DCC: variants seen among roughly 807,000 people sequenced by gnomAD.
DCC encodes the protein DCC netrin 1 receptor, also known as netrin receptor DCC.
A neutral mutation model predicts 172.5 loss-of-function variants in DCC; 58 were observed. That is an observed-to-expected ratio of 0.34 (90% CI 0.27 to 0.42). DCC has a LOEUF of 0.42. Ranked by LOEUF, DCC falls within the 10% of genes least tolerant of loss-of-function variation. DCC has a pLI of 1.00. For synonymous variants in DCC, 709 were observed against 644.5 expected (o/e 1.10, Z -1.52); for missense variants, 1,740 against 1,791.0 (o/e 0.97, Z 0.51).
intron 5 of DCC, among the ~76,000 whole-genome samples, chr18:52,949,382 C>A (rs2040599366): frequency 6.6e-6 from 1 of 152,184 alleles, no homozygotes; most frequent in Non-Finnish European, 1.5e-5. Context: ...GGCTCTTCCT[C>A]CTTCCCCTCC....
At chr18:53,417,909 T>G (rs1034570162) in intron 21 of DCC, among the ~76,000 whole-genome samples, 1 of 152,176 alleles carries the variant, frequency 6.6e-6, no homozygotes. Flanking sequence ...GAAAGGCAAA[T>G]GAGTAAATTA....
chr18:52,819,317 ATAAAT>A (rs552580613), intron 2 of DCC, among the ~76,000 whole-genome samples: 4 of 152,338 alleles, frequency 2.6e-5, no homozygotes, highest in East Asian at 1.9e-4. Context: ...AGGGAAAAAA[ATAAAT>A]TAATAATTTT....
rs555562871 is a variant in DCC, at chr18:53,422,134, A to G, written c.3163+5978A>G. On this transcript the variant is annotated intron_variant, in intron 21 of 28. Coordinates refer to ENST00000442544, the MANE Select transcript of DCC (RefSeq NM_005215.4). The stretch of plus-strand genomic sequence containing the variant: ...GAACTGTCTTGTGAGACTAAACCCA[A>G]AACTTCAAGGACCTGGTCATGATTC... Among the ~76,000 whole-genome samples the G allele has an allele frequency of 2.5e-4, 38 of 152,248 alleles. 1 individual carries two copies. In the South Asian group the frequency reaches 7.9e-3, roughly 32 times the overall value.
Position 52,841,723 on chromosome 18 carries a change from T to C in DCC, c.413-64321T>C, listed in dbSNP as rs116445061. 3.5e-3 allele frequency among the ~76,000 whole-genome samples: 534 copies of C among 152,288 alleles called. 6 individuals are homozygous for C. The highest frequency in any genetic ancestry group is 0.012 in the African/African-American group (503 of 41,558). Reference sequence around the variant, plus strand: ...TGGCTGGAGAGTCATCCTGTAGTTGTTGGGAGTGCTGGCTGGCAAAAGCTT... The same window carrying C: ...TGGCTGGAGAGTCATCCTGTAGTTGCTGGGAGTGCTGGCTGGCAAAAGCTT... On this transcript the variant is annotated intron_variant, in intron 2 of 28. Transcript: ENST00000442544.
chr18:53,185,384 T>G (rs977803145), intron 9 of DCC, among the ~76,000 whole-genome samples: 2 of 152,158 alleles, frequency 1.3e-5, no homozygotes, highest in African/African-American at 4.8e-5. Context: ...TTAAAAATAT[T>G]TATTTTGTGC....
rs372298886 is a variant in DCC at position 53,459,226 on chromosome 18, C to T, written c.3393-6C>T. ...CTCACATTTGCCTTCTAACTTTGTT[C>T]CATAGGAAACGGGCCACCCACAGTG... On this transcript the variant is annotated splice_region_variant and splice_polypyrimidine_tract_variant and intron_variant, in intron 23 of 28. Coordinates refer to ENST00000442544, the MANE Select transcript of DCC (RefSeq NM_005215.4). The T allele has an allele frequency of 3.2e-5, 52 of 1,611,710 alleles. No individual in the cohort carries two copies. The highest frequency in any genetic ancestry group is 4.2e-5 in the Non-Finnish European group (50 of 1,177,932).
At chr18:52,783,437 A>G (rs1170000856) in intron 2 of DCC, among the ~76,000 whole-genome samples, 1 of 144,232 alleles carries the variant, frequency 6.9e-6, no homozygotes, top group Non-Finnish European at 1.5e-5. Flanking sequence ...TGGCATCCAC[A>G]GGTGTGTAAT....
intron 7 of DCC, among the ~76,000 whole-genome samples, chr18:53,095,926 C>T (rs1423331302): frequency 6.6e-6 from 1 of 150,776 alleles, no homozygotes; most frequent in Non-Finnish European, 1.5e-5. Context: ...CATGAATACA[C>T]AGAAATGTGC....
At chr18:53,055,386 T>G (rs2042390380) in intron 5 of DCC, among the ~76,000 whole-genome samples, 1 of 152,122 alleles carries the variant, frequency 6.6e-6, no homozygotes, top group Non-Finnish European at 1.5e-5. Flanking sequence ...TTCCAGAAAT[T>G]GTCAGAGCAC....
At position 53,428,939 on chromosome 18, in the gene DCC, T is replaced by C. The variant is rs1274104116; in HGVS notation, c.3164-6205T>C. 5.9e-5 allele frequency among the ~76,000 whole-genome samples: 4 copies of C among 67,966 alleles called. 1 individual carries two copies. The highest frequency in any genetic ancestry group is 9.8e-3 in the Middle Eastern group (1 of 102). The allele number at this position is 67,966 out of a possible 152,430, so 44.6% of individuals were successfully genotyped here. ...TATATATTATATATTTTATATATAA[T>C]AAATTATATATAACATATTATATTT... On this transcript the variant is annotated intron_variant, in intron 21 of 28. Transcript: ENST00000442544.
chr18:53,438,052 C>T (rs1912062607), intron 22 of DCC, among the ~76,000 whole-genome samples: 1 of 152,206 alleles, frequency 6.6e-6, no homozygotes, highest in South Asian at 2.1e-4. Context: ...CCCTGAGATA[C>T]AGAGCTTCTG....
In DCC at chr18:52,810,816, C is replaced by T. The variant is rs147609138; in HGVS notation, c.412+58442C>T. 2.0e-5 allele frequency among the ~76,000 whole-genome samples: 3 copies of T among 152,302 alleles called. No homozygotes were observed. The East Asian group carries it at 5.8e-4, about 29-fold the overall frequency. ...TTCTCAATCTAGTCTGAGGATTTAA[C>T]TTGTAACTTGGCTTTCAGGCTTCAA... On this transcript the variant is annotated intron_variant, in intron 2 of 28. Transcript: ENST00000442544.
At chr18:52,921,953 C>T (rs2040133204) in intron 3 of DCC, among the ~76,000 whole-genome samples, 1 of 151,820 alleles carries the variant, frequency 6.6e-6, no homozygotes, top group Non-Finnish European at 1.5e-5. Context: ...CCTCTAATAT[C>T]AAGGCAACTA....
At chr18:53,322,533 G>A (rs1007475181) in intron 14 of DCC, among the ~76,000 whole-genome samples, 1 of 151,860 alleles carries the variant, frequency 6.6e-6, no homozygotes, top group Non-Finnish European at 1.5e-5. Context: ...ATATAATATA[G>A]CTTCTCTTGC....
At chr18:52,551,670 T>C (rs1292056895) in intron 1 of DCC, among the ~76,000 whole-genome samples, 1 of 151,598 alleles carries the variant, frequency 6.6e-6, no homozygotes, top group Non-Finnish European at 1.5e-5. Context: ...GAAATGATAA[T>C]ACAGAATAAC....
intron 1 of DCC, among the ~76,000 whole-genome samples, chr18:52,726,473 A>G (rs1227842828): frequency 6.6e-6 from 1 of 152,208 alleles, no homozygotes; most frequent in Non-Finnish European, 1.5e-5. Flanking sequence ...TTTAAAAAGT[A>G]TTATTCCATA....
chr18:53,399,176 C>T (rs953737522), intron 18 of DCC, among the ~76,000 whole-genome samples: 1 of 152,156 alleles, frequency 6.6e-6, no homozygotes, highest in African/African-American at 2.4e-5. Flanking sequence ...TGGAAAGAGA[C>T]AGGCATCAGC....
chr18:52,390,137 G>A (rs1403003795), intron 1 of DCC, among the ~76,000 whole-genome samples: 1 of 152,078 alleles, frequency 6.6e-6, no homozygotes, highest in African/African-American at 2.4e-5. Context: ...TGTAATAGGG[G>A]AAACATTCTT....
chr18:52,810,604 G>T (rs2038177418), intron 2 of DCC, among the ~76,000 whole-genome samples: 2 of 152,152 alleles, frequency 1.3e-5, no homozygotes, highest in Admixed American at 1.3e-4. Context: ...TGGGTCTGAG[G>T]TCTTTTATGG....
Sources: allele counts gnomAD v4.1 joint callset (sites outside exome capture counted in the v4.1 genomes callset), GRCh38; gene constraint gnomAD v4.1.1; transcripts MANE v1.5; gene names NCBI Gene and HGNC (gene_info 2026-07-23, HGNC 2026-07-21).